RHOBTB1: variants seen among roughly 807,000 people sequenced by gnomAD.
RHOBTB1 encodes the protein rho-related BTB domain-containing protein 1.
In RHOBTB1, 40 loss-of-function variants were observed where a neutral mutation model predicts 71.6. That is an observed-to-expected ratio of 0.56 (90% CI 0.43 to 0.73). RHOBTB1 has a LOEUF of 0.73. Ranked by LOEUF, RHOBTB1 falls within the 30% of genes least tolerant of loss-of-function variation. The pLI is 0.00. For synonymous variants in RHOBTB1, 319 were observed against 334.9 expected (o/e 0.95, Z 0.52); for missense variants, 797 against 894.0 (o/e 0.89, Z 1.38).
intron 4 of RHOBTB1, among the ~76,000 whole-genome samples, chr10:60,897,871 AT>A (rs746205944): frequency 1.7e-4 from 26 of 151,782 alleles, no homozygotes; most frequent in Non-Finnish European, 3.2e-4. Context: ...TGCCTGGCTA[AT>A]TTTTTGTATT....
At chr10:60,967,861 T>C (rs1161270915) in intron 2 of RHOBTB1, among the ~76,000 whole-genome samples, 1 of 152,122 alleles carries the variant, frequency 6.6e-6, no homozygotes, top group Non-Finnish European at 1.5e-5. Context: ...TACCCTTTCA[T>C]TTGTGTTCAG....
At chr10:60,949,993 T>C (rs572670682) in intron 2 of RHOBTB1, among the ~76,000 whole-genome samples, 1 of 152,342 alleles carries the variant, frequency 6.6e-6, no homozygotes, top group African/African-American at 2.4e-5. Flanking sequence ...TTAGGTTTTC[T>C]GTTGGGGTAG....
rs1363545553 is a variant in RHOBTB1 at position 60,870,499 on chromosome 10, C to G, written c.*983G>C. Reference sequence around the variant, plus strand: ...GCCACAGGTGAGAAGCCTGAGGAAGCCTGTTTCTGGTGGTGAGATGTGACA... The same window carrying G: ...GCCACAGGTGAGAAGCCTGAGGAAGGCTGTTTCTGGTGGTGAGATGTGACA... On this transcript the variant is annotated 3_prime_UTR_variant, in exon 11 of 11. Coordinates refer to ENST00000337910, the MANE Select transcript of RHOBTB1 (RefSeq NM_014836.5). 1 of 152,144 alleles carries G rather than the reference C, an allele frequency of 6.6e-6. No individual in the cohort carries two copies. Among genetic ancestry groups the G allele is most frequent in the Non-Finnish European group, 1.5e-5 (1 of 68,034 alleles). 9.4% of individuals were successfully genotyped at this position (152,144 alleles called of 1,614,324 possible). A position where few individuals can be genotyped will look rare whatever the true frequency, so the allele number is the denominator to read the frequency against.
intron 1 of RHOBTB1, among the ~76,000 whole-genome samples, chr10:60,994,165 C>T (rs1351760905): frequency 6.6e-6 from 1 of 152,098 alleles, no homozygotes; most frequent in African/African-American, 2.4e-5. Context: ...TGTTGAGTAT[C>T]TGTGAAATGC....
intron 2 of RHOBTB1, among the ~76,000 whole-genome samples, chr10:60,972,898 C>T (rs2086207765): frequency 1.3e-5 from 2 of 151,894 alleles, no homozygotes; most frequent in African/African-American, 4.8e-5. Context: ...GGCAAAATAC[C>T]CACTGATGTT....
intron 2 of RHOBTB1, among the ~76,000 whole-genome samples, chr10:60,960,982 G>T (rs1018576628): frequency 2.6e-5 from 4 of 152,022 alleles, no homozygotes; most frequent in Non-Finnish European, 4.4e-5. Context: ...GTGGAGGGTG[G>T]TTAAGTATGG....
At chr10:60,943,690 C>G (rs957766455) in intron 1 of RHOBTB1, among the ~76,000 whole-genome samples, 2 of 152,190 alleles carry the variant, frequency 1.3e-5, no homozygotes, top group Admixed American at 6.5e-5. Flanking sequence ...CTAAGGGTGC[C>G]TGTTGTACAT....
intron 2 of RHOBTB1, among the ~76,000 whole-genome samples, chr10:60,919,387 C>T (rs780205480): frequency 3.9e-5 from 6 of 152,116 alleles, no homozygotes; most frequent in African/African-American, 7.2e-5. Context: ...AGCCAAGTTT[C>T]GATTGTGCAG....
chr10:60,877,773 CAT>C (rs2081113074), intron 8 of RHOBTB1, 133 bp downstream of exon 8: 1 of 833,360 alleles, frequency 1.2e-6, no homozygotes, highest in South Asian at 1.9e-5. Flanking sequence ...TTGATTAATT[CAT>C]ATCATTCTAC....
At chr10:60,903,023 A>G (rs2893871) in intron 4 of RHOBTB1, among the ~76,000 whole-genome samples, 29,299 of 152,140 alleles carry the variant, frequency 0.19, 3,076 homozygotes, top group African/African-American at 0.28. Flanking sequence ...CCCGCAATAC[A>G]GTTATTGCTA....
At chr10:60,922,017 T>A (rs534272231) in intron 2 of RHOBTB1, among the ~76,000 whole-genome samples, 6 of 152,248 alleles carry the variant, frequency 3.9e-5, no homozygotes, top group Non-Finnish European at 8.8e-5. Flanking sequence ...TAGGATTGGA[T>A]TGGATTTAGA....
chr10:60,916,157 G>A (rs945590130), intron 2 of RHOBTB1, among the ~76,000 whole-genome samples: 2 of 152,198 alleles, frequency 1.3e-5, no homozygotes, highest in African/African-American at 4.8e-5. Flanking sequence ...TGTGGTGGAG[G>A]TGATGCTGTG....
At chr10:60,868,286 T>C (rs903916881), downstream of RHOBTB1, among the ~76,000 whole-genome samples, 3 of 152,182 alleles carry the variant, frequency 2.0e-5, no homozygotes, top group African/African-American at 7.2e-5. Context: ...CTATCTTCTA[T>C]CTCTCTATCT....
At chr10:60,919,620 T>C (rs1489887127) in intron 2 of RHOBTB1, among the ~76,000 whole-genome samples, 2 of 152,228 alleles carry the variant, frequency 1.3e-5, no homozygotes, top group Non-Finnish European at 2.9e-5. Flanking sequence ...GTAATCAACA[T>C]TATTTTTTCA....
chr10:60,944,103 C>T lies in RHOBTB1; in HGVS notation c.-194G>A, dbSNP rs2085092278. The stretch of plus-strand genomic sequence containing the variant: ...CGGGGCCCCTGCGCGCGGCGCGCCG[C>T]CCGCCGCCCAACTTTGCACAAAGGC... On this transcript the variant is annotated 5_prime_UTR_variant, in exon 1 of 11. Transcript: ENST00000337910. 6.6e-6 allele frequency: 1 copy of T among 151,726 alleles called. No homozygotes were observed. Among genetic ancestry groups the T allele is most frequent in the Non-Finnish European group, 1.5e-5 (1 of 67,978 alleles). The allele number at this position is 151,726 out of a possible 1,614,324, so 9.4% of individuals were successfully genotyped here. A position where few individuals can be genotyped will look rare whatever the true frequency, so the allele number is the denominator to read the frequency against.
At chr10:60,947,382 T>G (rs2085272527), upstream of RHOBTB1, among the ~76,000 whole-genome samples, 1 of 152,176 alleles carries the variant, frequency 6.6e-6, no homozygotes, top group Non-Finnish European at 1.5e-5. Flanking sequence ...GCAAATATTT[T>G]ATCAAAGTCA....
At chr10:60,917,529 C>T (rs1156839195) in intron 2 of RHOBTB1, among the ~76,000 whole-genome samples, 1 of 152,178 alleles carries the variant, frequency 6.6e-6, no homozygotes, top group Non-Finnish European at 1.5e-5. Context: ...CTCTTCCTGG[C>T]TTGTAGGCAG....
intron 2 of RHOBTB1, among the ~76,000 whole-genome samples, chr10:60,934,588 C>G (rs1214348831): frequency 6.6e-6 from 1 of 152,202 alleles, no homozygotes; most frequent in Non-Finnish European, 1.5e-5. Context: ...ATATTAGAAT[C>G]TGATATAACG....
chr10:60,942,002 T>G (rs1422944425), intron 1 of RHOBTB1, 148 bp from the exon 2 acceptor site: 1 of 152,016 alleles, frequency 6.6e-6, no homozygotes, highest in African/African-American at 2.4e-5. Context: ...CCAGTGTTAA[T>G]GTGGCATTTC....
Sources: allele counts gnomAD v4.1 joint callset (sites outside exome capture counted in the v4.1 genomes callset), GRCh38; gene constraint gnomAD v4.1.1; transcripts MANE v1.5; gene names NCBI Gene and HGNC (gene_info 2026-07-23, HGNC 2026-07-21).